The following PKIB variants were observed in gnomAD, a reference collection of about 807,000 sequenced individuals.
PKIB encodes PKI-beta.
PKIB carries 2 observed loss-of-function variants against 4.5 expected under a neutral mutation model. The ratio of observed to expected loss-of-function variants is 0.44; its 90% CI spans 0.18 to 1.39. The LOEUF is 1.39. PKIB is among the 40% of genes most tolerant of loss of function. The pLI is 0.27. For missense variants in PKIB, 94 were observed against 92.6 expected (o/e 1.02, Z -0.06); for synonymous variants, 38 against 36.0 (o/e 1.06, Z -0.20).
At chr6:122,543,693 A>G (rs1377791869) in intron 2 of PKIB, among the ~76,000 whole-genome samples, 1 of 151,946 alleles carries the variant, frequency 6.6e-6, no homozygotes, top group Admixed American at 6.6e-5. Context: ...ATAACTTTTT[A>G]GAAGTAAGAG....
At position 122,610,547 on chromosome 6, in the gene PKIB, G is replaced by T. The variant is rs1774707744; in HGVS notation, c.-161+12G>T. ...GCTGCGCGCGGCTGGTACGTACCTG[G>T]TGGAGCGGGCGCGTGAGTGGGTGTC... On this transcript the variant is annotated intron_variant, in intron 1 of 4. Coordinates refer to ENST00000368452, the MANE Select transcript of PKIB (RefSeq NM_181795.3). The T allele has an allele frequency of 6.6e-6, 1 of 152,504 alleles. No homozygotes were observed. The highest frequency in any genetic ancestry group is 1.5e-5 in the Non-Finnish European group (1 of 68,268). 9.4% of individuals were successfully genotyped at this position (152,504 alleles called of 1,614,324 possible). A position where few individuals can be genotyped will look rare whatever the true frequency, so the allele number is the denominator to read the frequency against.
At chr6:122,629,596 A>G (rs1775607142) in intron 1 of PKIB, among the ~76,000 whole-genome samples, 1 of 152,198 alleles carries the variant, frequency 6.6e-6, no homozygotes, top group Non-Finnish European at 1.5e-5. Context: ...AGCAGGAGAC[A>G]GACTAACTTT....
At chr6:122,532,166 A>G (rs1042674546) in intron 2 of PKIB, among the ~76,000 whole-genome samples, 1 of 152,220 alleles carries the variant, frequency 6.6e-6, no homozygotes, top group Non-Finnish European at 1.5e-5. Flanking sequence ...TGCAGATAAC[A>G]ATTAACTAAG....
chr6:122,647,888 G>A (rs1776389965), intron 2 of PKIB, among the ~76,000 whole-genome samples: 1 of 152,178 alleles, frequency 6.6e-6, no homozygotes, highest in Non-Finnish European at 1.5e-5. Context: ...CTGGCGGCGT[G>A]ACCCAAACCT....
chr6:122,598,857 T>G (rs1203154860), intron 3 of PKIB, among the ~76,000 whole-genome samples: 1 of 152,168 alleles, frequency 6.6e-6, no homozygotes, highest in Non-Finnish European at 1.5e-5. Flanking sequence ...GAGTCCCTAC[T>G]TAGTGGGCCC....
intron 2 of PKIB, among the ~76,000 whole-genome samples, chr6:122,528,613 C>A (rs908513290): frequency 6.6e-6 from 1 of 152,058 alleles, no homozygotes; most frequent in Non-Finnish European, 1.5e-5. Flanking sequence ...ATCTGTGGGC[C>A]AAGTGTGGTG....
intron 2 of PKIB, among the ~76,000 whole-genome samples, chr6:122,534,042 T>G (rs1300513613): frequency 6.6e-6 from 1 of 151,654 alleles, no homozygotes; most frequent in Non-Finnish European, 1.5e-5. Flanking sequence ...AAACTTCATC[T>G]GTGACCTTAT....
At chr6:122,619,539 C>T (rs1775137011) in intron 1 of PKIB, among the ~76,000 whole-genome samples, 1 of 152,010 alleles carries the variant, frequency 6.6e-6, no homozygotes, top group Non-Finnish European at 1.5e-5. Context: ...CATAGCTGTC[C>T]CACTGTTAGA....
upstream of PKIB, chr6:122,610,361 C>G (rs1774698143): frequency 6.6e-6 from 1 of 152,338 alleles, no homozygotes; most frequent in Non-Finnish European, 1.5e-5. Flanking sequence ...CCCTCCGCCC[C>G]CGAGTAGCTG....
chr6:122,540,154 G>T (rs1339414424), intron 2 of PKIB, among the ~76,000 whole-genome samples: 6 of 151,904 alleles, frequency 3.9e-5, no homozygotes, highest in African/African-American at 9.7e-5. Context: ...TTAATTTTTT[G>T]AAGGGTTTTT....
intron 2 of PKIB, among the ~76,000 whole-genome samples, chr6:122,498,403 CAT>C (rs1352537502): frequency 3.3e-5 from 5 of 152,302 alleles, no homozygotes; most frequent in East Asian, 1.9e-4. Flanking sequence ...CCTCCCATGA[CAT>C]GTGGGAATAG....
chr6:122,721,628 G>A (rs1244618771), intron 4 of PKIB, among the ~76,000 whole-genome samples: 2 of 152,026 alleles, frequency 1.3e-5, no homozygotes, highest in Non-Finnish European at 2.9e-5. Flanking sequence ...ACAAAGAAGA[G>A]CAGAACACAA....
chr6:122,533,154 A>G (rs1446178294), intron 2 of PKIB, among the ~76,000 whole-genome samples: 1 of 106,612 alleles, frequency 9.4e-6, no homozygotes, highest in Non-Finnish European at 2.1e-5. Context: ...CTTTTTATTT[A>G]TTTATTTATT....
chr6:122,555,801 A>G (rs77354837), intron 2 of PKIB, among the ~76,000 whole-genome samples: 1 of 152,274 alleles, frequency 6.6e-6, no homozygotes, highest in African/African-American at 2.4e-5. Context: ...GCTCTTGTTT[A>G]TAAGTGTTGA....
intron 1 of PKIB, among the ~76,000 whole-genome samples, chr6:122,616,435 C>T (rs868575856): frequency 6.6e-6 from 1 of 152,250 alleles, no homozygotes; most frequent in Middle Eastern, 3.4e-3. Context: ...TCCAGTAGTC[C>T]TCCCAGGATT....
At chr6:122,554,229 C>G (rs561474821) in intron 2 of PKIB, among the ~76,000 whole-genome samples, 14 of 152,314 alleles carry the variant, frequency 9.2e-5, no homozygotes. Flanking sequence ...GAAGATAACA[C>G]ATTAGCCTAC....
chr6:122,491,349 T>G (rs975165977), intron 2 of PKIB, among the ~76,000 whole-genome samples: 1 of 152,146 alleles, frequency 6.6e-6, no homozygotes, highest in Non-Finnish European at 1.5e-5. Flanking sequence ...CCATTTTGCC[T>G]CTTAATGTGC....
intron 2 of PKIB, among the ~76,000 whole-genome samples, chr6:122,511,027 G>A (rs155465): frequency 0.55 from 83,502 of 151,854 alleles, 23,225 homozygotes; most frequent in South Asian, 0.68. Flanking sequence ...AATCACCTCC[G>A]GAGTCTCCTT....
chr6:122,538,384 G>C (rs1251214304), intron 2 of PKIB, among the ~76,000 whole-genome samples: 2 of 152,086 alleles, frequency 1.3e-5, no homozygotes, highest in Admixed American at 1.3e-4. Flanking sequence ...TCCAGTTTCA[G>C]CTTTCTACAT....
Sources: gnomAD v4.1 joint callset for allele counts (sites outside exome capture counted in the v4.1 genomes callset) on GRCh38, gnomAD v4.1.1 for gene constraint, MANE v1.5 for transcripts, NCBI Gene and HGNC (gene_info 2026-07-23, HGNC 2026-07-21) for gene names.